FBXO4: variants seen among roughly 807,000 people sequenced by gnomAD.
The protein encoded by FBXO4 is F-box only protein 4.
A neutral mutation model predicts 43.7 loss-of-function variants in FBXO4; 36 were observed. The observed-to-expected ratio is 0.82, with a 90% CI of 0.63 to 1.09. The LOEUF (loss-of-function observed/expected upper bound fraction) is 1.09. Among genes scored for constraint, FBXO4 ranks in the 50% least tolerant of loss-of-function variants. The probability of loss-of-function intolerance (pLI) is 0.00; values close to 1 mark genes in which losing one functional copy is unlikely to be tolerated. For missense variants in FBXO4, 435 were observed against 474.1 expected, an observed-to-expected ratio of 0.92 and a Z score of 0.77; for synonymous variants, 180 against 165.6, an observed-to-expected ratio of 1.09 and a Z score of -0.67.
the FBXO4 span, among the ~76,000 whole-genome samples, chr5:42,006,213 A>G: frequency 6.6e-6 from 1 of 152,164 alleles, no homozygotes; most frequent in Non-Finnish European, 1.5e-5. Flanking sequence ...GTCAAGAAAT[A>G]CTGACATTTC....
chr5:41,972,912 A>T, the FBXO4 span, among the ~76,000 whole-genome samples: 1 of 152,208 alleles, frequency 6.6e-6, no homozygotes, highest in Non-Finnish European at 1.5e-5. Flanking sequence ...CCATATACAA[A>T]AATCAACTCA....
chr5:41,987,040 G>A, the FBXO4 span, among the ~76,000 whole-genome samples: 1 of 152,030 alleles, frequency 6.6e-6, no homozygotes, highest in Non-Finnish European at 1.5e-5. Context: ...GCTACATTCT[G>A]ACTAACTAGA....
chr5:41,967,457 A>G, the FBXO4 span: 3 of 601,188 alleles, frequency 5.0e-6, no homozygotes, highest in Non-Finnish European at 9.6e-6. Context: ...ATCTGCAAGA[A>G]TTGTATGTTT....
In FBXO4 at chr5:41,927,015, T is replaced by C. The variant is rs772775552; in HGVS notation, c.192T>C (p.Ile64=). Residue 64 remains isoleucine, a splice_region_variant and synonymous_variant, in exon 2 of 7, where the codon ATT becomes ATC. Transcript: ENST00000281623. ...CCTGCTGCTTTCTTCTGTTTCAGAT[T>C]GATGTACAGCTATATATTTTGTCCT... is the stretch of plus-strand genomic sequence containing the variant. ...EAASTLTRLP[I]DVQLYILSFL... 2 of 1,575,970 alleles carry C rather than the reference T, an allele frequency of 1.3e-6. No homozygotes were observed. The highest frequency in any genetic ancestry group is 2.7e-5 in the African/African-American group (2 of 73,208).
the FBXO4 span, chr5:41,967,524 C>T: frequency 1.3e-5 from 11 of 878,586 alleles, no homozygotes; most frequent in South Asian, 4.1e-5. Flanking sequence ...GCATCACCTC[C>T]GTGACGTTCA....
the FBXO4 span, among the ~76,000 whole-genome samples, chr5:41,965,292 C>T: frequency 2.0e-5 from 3 of 152,062 alleles, no homozygotes; most frequent in Admixed American, 1.3e-4. Flanking sequence ...TGTAGCCTTG[C>T]AGTATAGTTT....
chr5:42,024,214 T>A, the FBXO4 span, among the ~76,000 whole-genome samples: 1 of 152,086 alleles, frequency 6.6e-6, no homozygotes, highest in Non-Finnish European at 1.5e-5. Flanking sequence ...TGAATTATTG[T>A]TATTTAATTT....
At chr5:41,939,326 T>G in intron 5 of FBXO4, 115 bp from the exon 6 acceptor site, 1 of 905,828 alleles carries the variant, frequency 1.1e-6, no homozygotes, top group Non-Finnish European at 1.6e-6. Context: ...TTTCCCTCAG[T>G]TTATGTTTGG....
chr5:41,959,336 A>G, the FBXO4 span, among the ~76,000 whole-genome samples: 2 of 152,128 alleles, frequency 1.3e-5, no homozygotes, highest in South Asian at 2.1e-4. Flanking sequence ...CTCCCATCCC[A>G]TATGTTGTCT....
chr5:41,964,024 C>A, the FBXO4 span: 1 of 152,020 alleles, frequency 6.6e-6, no homozygotes, highest in Non-Finnish European at 1.5e-5. Context: ...ATTACACAAG[C>A]AATTCAAAAT....
chr5:42,020,050 A>G, the FBXO4 span, among the ~76,000 whole-genome samples: 10 of 152,162 alleles, frequency 6.6e-5, no homozygotes, highest in African/African-American at 2.4e-4. Context: ...GATTATGAAT[A>G]TTCTAAATCC....
chr5:41,976,613 G>A, the FBXO4 span, among the ~76,000 whole-genome samples: 2 of 152,328 alleles, frequency 1.3e-5, no homozygotes, highest in African/African-American at 4.8e-5. Flanking sequence ...GCACACTGGT[G>A]CAAGGTGTGG....
chr5:41,934,332 T>C (rs1162037657), intron 5 of FBXO4, 24 bp downstream of exon 5: 1 of 1,613,806 alleles, frequency 6.2e-7, no homozygotes, highest in South Asian at 1.1e-5. Context: ...TGTACATTTT[T>C]AAGCACATTG....
chr5:41,978,527 G>A, the FBXO4 span, among the ~76,000 whole-genome samples: 35 of 152,162 alleles, frequency 2.3e-4, no homozygotes, highest in Non-Finnish European at 4.7e-4. Context: ...TTTTTTTAGG[G>A]TTCTTTCTAA....
Position 41,941,184 on chromosome 5 carries a change from A to G in FBXO4, c.1075-8A>G. On this transcript the variant is annotated splice_region_variant and splice_polypyrimidine_tract_variant and intron_variant, in intron 6 of 6. Transcript: ENST00000281623. ...TTACTAACAACATTCTCTCTTATGTATTCCGAGGTCCAGGATACAGAGGCT... is the reference window on the plus strand; with the variant it reads ...TTACTAACAACATTCTCTCTTATGTGTTCCGAGGTCCAGGATACAGAGGCT... 1 of 1,612,166 alleles carries G rather than the reference A, an allele frequency of 6.2e-7. No homozygotes were observed. Among genetic ancestry groups the G allele is most frequent in the South Asian group, 1.1e-5 (1 of 91,006 alleles).
At chr5:41,963,172 A>G in the FBXO4 span, among the ~76,000 whole-genome samples, 2 of 151,944 alleles carry the variant, frequency 1.3e-5, no homozygotes, top group East Asian at 1.9e-4. Flanking sequence ...TTCTCTTTCA[A>G]CATATATACA....
At chr5:42,002,429 T>G in the FBXO4 span, among the ~76,000 whole-genome samples, 1 of 152,230 alleles carries the variant, frequency 6.6e-6, no homozygotes, top group African/African-American at 2.4e-5. Flanking sequence ...GAGATATCTC[T>G]TGAAGACTCA....
At chr5:42,004,879 G>T in the FBXO4 span, among the ~76,000 whole-genome samples, 1 of 152,104 alleles carries the variant, frequency 6.6e-6, no homozygotes, top group Non-Finnish European at 1.5e-5. Flanking sequence ...CAGTTGGAAT[G>T]GACACTAAAA....
At chr5:42,002,536 C>T in the FBXO4 span, among the ~76,000 whole-genome samples, 1 of 152,128 alleles carries the variant, frequency 6.6e-6, no homozygotes, top group South Asian at 2.1e-4. Context: ...GATTTCTTTC[C>T]CTAATATAAT....
Sources: gnomAD v4.1 joint callset for allele counts (sites outside exome capture counted in the v4.1 genomes callset) on GRCh38, gnomAD v4.1.1 for gene constraint, MANE v1.5 for transcripts, NCBI Gene and HGNC (gene_info 2026-07-23, HGNC 2026-07-21) for gene names.